Variants in LEF1 observed in about 807,000 individuals in gnomAD.
LEF1 encodes lymphoid enhancer-binding factor 1.
In LEF1, 14 loss-of-function variants were observed where a neutral mutation model predicts 51.2. That is an observed-to-expected ratio of 0.27 (90% CI 0.18 to 0.43). LEF1 has a LOEUF of 0.43. LEF1 is among the 20% of genes least tolerant of loss of function. The pLI, the probability that LEF1 is intolerant of heterozygous loss-of-function variation, is 1.00. For synonymous variants in LEF1, 185 were observed against 183.2 expected (o/e 1.01, Z -0.08); for missense variants, 386 against 512.0 (o/e 0.75, Z 2.37).
At chr4:108,097,516 C>G (rs1371654656) in intron 3 of LEF1, among the ~76,000 whole-genome samples, 3 of 152,074 alleles carry the variant, frequency 2.0e-5, no homozygotes, top group Non-Finnish European at 2.9e-5. Context: ...TGATAGCTAG[C>G]ACAACAGCGT....
At chr4:108,095,106 G>A (rs1740296864) in intron 3 of LEF1, among the ~76,000 whole-genome samples, 1 of 152,180 alleles carries the variant, frequency 6.6e-6, no homozygotes, top group East Asian at 1.9e-4. Flanking sequence ...TGGTGGTGAT[G>A]CAGCTGCATT....
intron 3 of LEF1, among the ~76,000 whole-genome samples, chr4:108,104,184 T>C (rs1191106892): frequency 1.3e-5 from 2 of 152,032 alleles, no homozygotes; most frequent in Non-Finnish European, 2.9e-5. Flanking sequence ...TATGTATATG[T>C]ATATGAAATG....
At chr4:108,080,983 T>G (rs1185407881) in intron 6 of LEF1, among the ~76,000 whole-genome samples, 1 of 151,940 alleles carries the variant, frequency 6.6e-6, no homozygotes, top group African/African-American at 2.4e-5. Flanking sequence ...AGCTTCTCGG[T>G]GCGGCGCGGC....
At chr4:108,133,876 A>C (rs1021535229) in intron 3 of LEF1, among the ~76,000 whole-genome samples, 6 of 152,208 alleles carry the variant, frequency 3.9e-5, no homozygotes, top group African/African-American at 1.4e-4. Flanking sequence ...TGTCTTCCTT[A>C]AACTTGGTTC....
At chr4:108,048,817 T>G in intron 11 of LEF1, 66 bp from the exon 12 acceptor site, 6 of 1,101,858 alleles carry the variant, frequency 5.4e-6, no homozygotes, top group Non-Finnish European at 7.8e-6. Flanking sequence ...TTATAACCTC[T>G]ATTCCATACC....
At chr4:108,055,907 T>G (rs1737276124) in intron 11 of LEF1, among the ~76,000 whole-genome samples, 1 of 152,240 alleles carries the variant, frequency 6.6e-6, no homozygotes, top group East Asian at 1.9e-4. Context: ...CCCAACCCAA[T>G]TTCTTTATTA....
intron 1 of LEF1, chr4:108,166,442 G>A: frequency 7.1e-7 from 1 of 1,406,546 alleles, no homozygotes; most frequent in South Asian, 1.5e-5. Context: ...AAAGGCGTTG[G>A]TTAAATCATT....
chr4:108,114,343 G>GTA (rs762564642), intron 3 of LEF1, among the ~76,000 whole-genome samples: 20 of 152,298 alleles, frequency 1.3e-4, no homozygotes, highest in Non-Finnish European at 2.4e-4. Context: ...TAAAGGGTTT[G>GTA]TAAAAGCACT....
chr4:108,052,418 G>A (rs1008174310), intron 11 of LEF1, among the ~76,000 whole-genome samples: 3 of 152,220 alleles, frequency 2.0e-5, no homozygotes, highest in African/African-American at 7.2e-5. Flanking sequence ...GAGAATATTA[G>A]AGATTGGTTT....
intron 3 of LEF1, among the ~76,000 whole-genome samples, chr4:108,156,875 G>A (rs1011021309): frequency 1.3e-5 from 2 of 151,868 alleles, no homozygotes; most frequent in East Asian, 1.9e-4. Flanking sequence ...GGAGGGGGGT[G>A]ATGATGAGAA....
At chr4:108,143,175 T>C (rs1356186485) in intron 3 of LEF1, among the ~76,000 whole-genome samples, 1 of 152,244 alleles carries the variant, frequency 6.6e-6, no homozygotes, top group East Asian at 1.9e-4. Flanking sequence ...TCTGTAACTG[T>C]GCAGAACTGG....
At chr4:108,099,550 G>GCATATATATATATA (rs1263620618) in intron 3 of LEF1, among the ~76,000 whole-genome samples, 1 of 44,742 alleles carries the variant, frequency 2.2e-5, no homozygotes, top group African/African-American at 5.4e-5. Flanking sequence ...ATATGTGTGT[G>GCATATATATATATA]TGTGTATGTG....
intron 3 of LEF1, among the ~76,000 whole-genome samples, chr4:108,117,675 C>T (rs568392932): frequency 6.6e-6 from 1 of 152,290 alleles, no homozygotes; most frequent in Admixed American, 6.5e-5. Flanking sequence ...ATCAAACGAC[C>T]TCCTGCTGAG....
At chr4:108,107,059 C>A (rs1171880971) in intron 3 of LEF1, among the ~76,000 whole-genome samples, 1 of 152,216 alleles carries the variant, frequency 6.6e-6, no homozygotes, top group African/African-American at 2.4e-5. Flanking sequence ...CCCCACATCT[C>A]ACATGCCTCT....
chr4:108,051,080 G>T (rs575009669), intron 11 of LEF1, among the ~76,000 whole-genome samples: 57 of 152,306 alleles, frequency 3.7e-4, no homozygotes, highest in African/African-American at 1.3e-3. Flanking sequence ...TATGTCACTT[G>T]CCAAGAAAGA....
chr4:108,068,348 CACGT>C (rs1738223759), intron 9 of LEF1, among the ~76,000 whole-genome samples: 1 of 152,072 alleles, frequency 6.6e-6, no homozygotes, highest in African/African-American at 2.4e-5. Context: ...GGAGGAAAAC[CACGT>C]AGATTTTGAA....
At chr4:108,050,736 C>G (rs987152559) in intron 11 of LEF1, among the ~76,000 whole-genome samples, 1 of 152,212 alleles carries the variant, frequency 6.6e-6, no homozygotes, top group Non-Finnish European at 1.5e-5. Flanking sequence ...GAGACAAGCA[C>G]TGGGACTCAG....
chr4:108,123,117 T>G (rs1742281088), intron 3 of LEF1, among the ~76,000 whole-genome samples: 1 of 152,234 alleles, frequency 6.6e-6, no homozygotes, highest in African/African-American at 2.4e-5. Context: ...GAGGCCTATA[T>G]AGTATGTGCT....
chr4:108,096,091 C>T (rs1450559209), intron 3 of LEF1, among the ~76,000 whole-genome samples: 1 of 152,060 alleles, frequency 6.6e-6, no homozygotes, highest in African/African-American at 2.4e-5. Context: ...AAAAAACAAA[C>T]TAAAACATTT....
Sources: gnomAD v4.1 joint callset for allele counts (sites outside exome capture counted in the v4.1 genomes callset) on GRCh38, gnomAD v4.1.1 for gene constraint, MANE v1.5 for transcripts, NCBI Gene and HGNC (gene_info 2026-07-23, HGNC 2026-07-21) for gene names.